Variants in SIGLEC6 observed in about 807,000 individuals in gnomAD.
SIGLEC6 encodes the protein sialic acid binding Ig like lectin 6, also known as sialic acid-binding Ig-like lectin 6.
SIGLEC6 carries 31 observed loss-of-function variants against 41.4 expected under a neutral mutation model. The observed-to-expected ratio is 0.75, with a 90% CI of 0.56 to 1.01. The LOEUF (loss-of-function observed/expected upper bound fraction) is 1.01, where lower values mean the gene tolerates loss of function less well. Among genes scored for constraint, SIGLEC6 ranks in the 50% least tolerant of loss-of-function variants. The probability of loss-of-function intolerance (pLI) is 0.00; values close to 1 mark genes in which losing one functional copy is unlikely to be tolerated. For missense variants in SIGLEC6, 555 were observed against 558.6 expected (o/e 0.99, Z 0.06); for synonymous variants, 217 against 231.0 (o/e 0.94, Z 0.55).
In SIGLEC6 at chr19:51,530,774, G is replaced by T; in HGVS notation, c.613C>A (p.Arg205=). The part of the protein sequence containing the change: ...TQSSVLTITP[R]PQDHSTNLTC... ...AGGTTGGTGCTGTGGTCCTGGGGCCGTGGGGTGATTGTGAGCACCGAGGAC... is the reference window on the plus strand; with the variant it reads ...AGGTTGGTGCTGTGGTCCTGGGGCCTTGGGGTGATTGTGAGCACCGAGGAC... Residue 205 remains arginine (R), a synonymous_variant, in exon 3 of 8, where the codon CGG becomes AGG. Coordinates refer to ENST00000425629, the MANE Select transcript of SIGLEC6 (RefSeq NM_001245.7). 6.2e-7 allele frequency: 1 copy of T among 1,614,062 alleles called. No homozygotes were observed. The highest frequency in any genetic ancestry group is 1.6e-4 in the Middle Eastern group (1 of 6,062).
In SIGLEC6 at chr19:51,518,328, CTTGT is replaced by C. The variant is rs1485378327; in HGVS notation, c.*1750_*1753del. Among the ~76,000 whole-genome samples, 1 of 151,910 alleles carries C rather than the reference CTTGT, an allele frequency of 6.6e-6. No individual in the cohort carries two copies. Among genetic ancestry groups the C allele is most frequent in the East Asian group, 1.9e-4 (1 of 5,192 alleles). ...CTGTCAGTCTAATTGTGGTTTTTTG[CTTGT>C]TTGTTTGTTTTGTTTTGCTTTTTCT... is the stretch of plus-strand genomic sequence containing the variant. On this transcript the variant is annotated 3_prime_UTR_variant, in exon 8 of 8. Coordinates refer to ENST00000425629, the MANE Select transcript of SIGLEC6 (RefSeq NM_001245.7).
At position 51,531,159 on chromosome 19, in the gene SIGLEC6, C is replaced by T; in HGVS notation, c.427+1G>A. On this transcript the variant is annotated splice_donor_variant, in intron 2 of 7. Transcript: ENST00000425629. LOFTEE classifies it high-confidence loss of function. Reference sequence around the variant, plus strand: ...GGCTAGTCCTGGAGCTGGTTCCTTACCCATCACACGCACAGAGAGCTTGGA... The same window carrying T: ...GGCTAGTCCTGGAGCTGGTTCCTTATCCATCACACGCACAGAGAGCTTGGA... 1 of 1,578,718 alleles carries T rather than the reference C, an allele frequency of 6.3e-7. No homozygotes were observed. Among genetic ancestry groups the T allele is most frequent in the Non-Finnish European group, 8.6e-7 (1 of 1,160,848 alleles).
chr19:51,523,157 C>T (rs1978578482), intron 7 of SIGLEC6, among the ~76,000 whole-genome samples: 1 of 151,958 alleles, frequency 6.6e-6, no homozygotes, highest in African/African-American at 2.4e-5. Flanking sequence ...AAAAAATAAA[C>T]TGAATTGAAT....
Position 51,519,399 on chromosome 19 carries a change from G to C in SIGLEC6, c.*683C>G, listed in dbSNP as rs546814453. 1 of 150,520 alleles carries C rather than the reference G, an allele frequency of 6.6e-6. No individual in the cohort carries two copies. Among genetic ancestry groups the C allele is most frequent in the Non-Finnish European group, 1.5e-5 (1 of 67,824 alleles). The allele number at this position is 150,520 out of a possible 1,614,324, so 9.3% of individuals were successfully genotyped here. A position where few individuals can be genotyped will look rare whatever the true frequency, so the allele number is the denominator to read the frequency against. On this transcript the variant is annotated 3_prime_UTR_variant, in exon 8 of 8. Coordinates refer to ENST00000425629, the MANE Select transcript of SIGLEC6 (RefSeq NM_001245.7). ...AACCTTTGTGTCAGGGCCTTTGTTA[G>C]CTGTTTTACAGCTAACAAAGCTGTA...
At chr19:51,529,517 C>T in intron 5 of SIGLEC6, 1 of 624,420 alleles carries the variant, frequency 1.6e-6, no homozygotes. Flanking sequence ...GCTGCTGTTC[C>T]CATCCCTCCA....
chr19:51,529,044 T>G (rs1053102304), intron 5 of SIGLEC6, among the ~76,000 whole-genome samples: 1 of 141,760 alleles, frequency 7.1e-6, no homozygotes, highest in Non-Finnish European at 1.5e-5. Flanking sequence ...CAGACGCACA[T>G]GTGGACACAG....
Position 51,519,296 on chromosome 19 carries a change from GAAAAAAA to G in SIGLEC6, c.*779_*785del, listed in dbSNP as rs10651662. 2.2e-5 allele frequency among the ~76,000 whole-genome samples: 2 copies of G among 90,752 alleles called. No homozygotes were observed. Among genetic ancestry groups the G allele is most frequent in the Non-Finnish European group, 2.0e-5 (1 of 50,910 alleles). The allele number at this position is 90,752 out of a possible 152,430, so 59.5% of individuals were successfully genotyped here. On this transcript the variant is annotated 3_prime_UTR_variant, in exon 8 of 8. Coordinates refer to ENST00000425629, the MANE Select transcript of SIGLEC6 (RefSeq NM_001245.7). ...GGAGATACAGCAAGACTCCATCTCA[GAAAAAAA>G]AAAAAAAAAAAAAAGCTAGCCAAAG...
At position 51,530,976 on chromosome 19, in the gene SIGLEC6, G is replaced by A; in HGVS notation, c.428-17C>T. ...GGGTCAGGGCTGGTGAGGAGATGGG[G>A]ACGCAGGATCAGGATGGAGGTCTGA... On this transcript the variant is annotated splice_polypyrimidine_tract_variant and intron_variant, in intron 2 of 7. Transcript: ENST00000425629. 1 of 1,607,176 alleles carries A rather than the reference G, an allele frequency of 6.2e-7. No individual in the cohort carries two copies. The highest frequency in any genetic ancestry group is 8.5e-7 in the Non-Finnish European group (1 of 1,179,182).
At position 51,531,569 on chromosome 19, in the gene SIGLEC6, C is replaced by G; in HGVS notation, c.67+13G>C. ...GGCCCAGCCCCACGGCACCTCTCCC[C>G]TGGCCCACTCACCTGCCCACAGCAG... On this transcript the variant is annotated intron_variant, in intron 1 of 7. Transcript: ENST00000425629. 6.2e-7 allele frequency: 1 copy of G among 1,613,978 alleles called. No homozygotes were observed. Among genetic ancestry groups the G allele is most frequent in the Non-Finnish European group, 8.5e-7 (1 of 1,179,926 alleles).
rs919234300 is a variant in SIGLEC6 at position 51,529,699 on chromosome 19, C to G, written c.1012+25G>C. 2.5e-6 allele frequency: 4 copies of G among 1,613,466 alleles called. No individual in the cohort carries two copies. In the African/African-American group the frequency reaches 5.3e-5, roughly 22 times the overall value. On this transcript the variant is annotated intron_variant, in intron 5 of 7. Coordinates refer to ENST00000425629, the MANE Select transcript of SIGLEC6 (RefSeq NM_001245.7). ...GAGCTCTCGCCCAGCTGCCCACACTCTCGCGCACCTCCCCCCACACTCACA... is the reference window on the plus strand; with the variant it reads ...GAGCTCTCGCCCAGCTGCCCACACTGTCGCGCACCTCCCCCCACACTCACA...
rs913687688 is a variant in SIGLEC6, at chr19:51,530,628, T to A, written c.706+53A>T. ...CCAACTTTAAGCTCTGGCTCAGCCC[T>A]GCCCTGTCCCCCCACACCCTCAGGG... On this transcript the variant is annotated intron_variant, in intron 3 of 7. Transcript: ENST00000425629. 8.2e-5 allele frequency: 132 copies of A among 1,610,716 alleles called. 13 individuals are homozygous for A. The highest frequency in any genetic ancestry group is 3.0e-4 in the Admixed American group (18 of 59,086).
chr19:51,527,772 T>C lies in SIGLEC6; in HGVS notation c.1163A>G (p.Asn388Ser). The change falls in exon 7 of 8, where the codon AAC becomes AGC. Residue 388 changes from asparagine to serine, a missense_variant. By Grantham distance (46) the Asn-to-Ser change is conservative. Coordinates refer to ENST00000425629, the MANE Select transcript of SIGLEC6 (RefSeq NM_001245.7). The part of the protein sequence containing the change: ...AQPVQNTDDV[N>S]PVMVSGSRGH... ...CCTGGAGCCTGAGACCATGACGGGG[T>C]TCACATCATCCGTGTTTTGCACTGG... 1.2e-6 allele frequency: 2 copies of C among 1,613,956 alleles called. No homozygotes were observed. The highest frequency in any genetic ancestry group is 1.7e-4 in the Middle Eastern group (1 of 6,060).
chr19:51,523,341 C>T (rs972524085), intron 7 of SIGLEC6, among the ~76,000 whole-genome samples: 6 of 152,096 alleles, frequency 3.9e-5, no homozygotes, highest in African/African-American at 1.4e-4. Flanking sequence ...GCCTGTGGGA[C>T]AATATCAAGC....
chr19:51,522,928 G>T (rs1978528550), intron 7 of SIGLEC6, among the ~76,000 whole-genome samples: 1 of 152,154 alleles, frequency 6.6e-6, no homozygotes, highest in Admixed American at 6.5e-5. Context: ...TTGAGCCCAT[G>T]AGTTTGAGAC....
intron 6 of SIGLEC6, 102 bp from the exon 7 acceptor site, chr19:51,527,930 A>C: frequency 8.3e-7 from 1 of 1,201,786 alleles, no homozygotes; most frequent in Non-Finnish European, 1.2e-6. Context: ...GAAGTAATTA[A>C]GAGGTCCAGG....
Position 51,530,480 on chromosome 19 carries a change from A to C in SIGLEC6, c.711T>G (p.Ala237=). ...AGATGCTGATGGCCACTTTCTGTGG[A>C]GCATCTGGGGTGGAAAGAGGTGGCC... The part of the protein sequence containing the change: ...ERTIQLNVSY[A]PQKVAISIFQ... Residue 237 remains alanine, a synonymous_variant, in exon 4 of 8, where the codon GCT becomes GCG. Transcript: ENST00000425629. 6.2e-7 allele frequency: 1 copy of C among 1,614,042 alleles called. No individual in the cohort carries two copies. The highest frequency in any genetic ancestry group is 2.2e-5 in the East Asian group (1 of 44,874).
At position 51,531,415 on chromosome 19, in the gene SIGLEC6, G is replaced by A; in HGVS notation, c.172C>T (p.Pro58Ser). 1.2e-6 allele frequency: 2 copies of A among 1,614,118 alleles called. No homozygotes were observed. The highest frequency in any genetic ancestry group is 1.7e-6 in the Non-Finnish European group (2 of 1,180,012). The change falls in exon 2 of 8, where the codon CCA (proline) becomes TCA (serine). Residue 58 changes from proline (P) to serine (S), a missense_variant. Physicochemically the swap from Pro to Ser is moderately conservative, Grantham distance 74 (BLOSUM62 -1). Transcript: ENST00000425629. ...TAGCCATAACCATAGTACGAGGCTG[G>A]AAGGGTAGTGGGCAATCTGCAGGGT... Reference protein sequence around the residue: ...LVPCRLPTTLPASYYGYGYWF... With the variant: ...LVPCRLPTTLSASYYGYGYWF...
chr19:51,528,337 T>G (rs1250941963), intron 5 of SIGLEC6, 84 bp from the exon 6 acceptor site: 5 of 1,129,594 alleles, frequency 4.4e-6, no homozygotes, highest in African/African-American at 1.5e-5. Context: ...TCCACTAATG[T>G]GACCACCCCC....
chr19:51,529,501 G>T, intron 5 of SIGLEC6: 1 of 583,458 alleles, frequency 1.7e-6, no homozygotes, highest in Non-Finnish European at 3.0e-6. Flanking sequence ...CTGTGAAGGA[G>T]CCATGGCTGC....
Sources: gnomAD v4.1 joint callset for allele counts (sites outside exome capture counted in the v4.1 genomes callset) on GRCh38, gnomAD v4.1.1 for gene constraint, MANE v1.5 for transcripts, NCBI Gene and HGNC (gene_info 2026-07-23, HGNC 2026-07-21) for gene names.